Variants in DPP10 observed in about 807,000 individuals in gnomAD.
DPP10 encodes the protein dipeptidyl peptidase like 10.
In DPP10, 33 loss-of-function variants were observed where a neutral mutation model predicts 120.9. That is an observed-to-expected ratio of 0.27 (90% CI 0.21 to 0.37). The LOEUF (loss-of-function observed/expected upper bound fraction) is 0.37, where lower values mean the gene tolerates loss of function less well. Ranked by LOEUF, DPP10 falls within the 10% of genes least tolerant of loss-of-function variation. DPP10 has a pLI of 1.00. For missense variants in DPP10, 816 were observed against 942.8 expected (o/e 0.87, Z 1.76); for synonymous variants, 337 against 326.1 (o/e 1.03, Z -0.36).
At chr2:115,536,905 A>T (rs1429705939) in intron 5 of DPP10, among the ~76,000 whole-genome samples, 3 of 152,054 alleles carry the variant, frequency 2.0e-5, no homozygotes, top group African/African-American at 7.2e-5. Flanking sequence ...GTAAAATTAC[A>T]CTAGGATTAA....
At chr2:115,005,562 T>C in intron 1 of DPP10, among the ~76,000 whole-genome samples, 1 of 151,004 alleles carries the variant, frequency 6.6e-6, no homozygotes, top group Non-Finnish European at 1.5e-5. Flanking sequence ...GAGAACTACG[T>C]GAAGAATGCA....
chr2:115,053,433 A>G (rs1474301924), intron 1 of DPP10, among the ~76,000 whole-genome samples: 1 of 152,254 alleles, frequency 6.6e-6, no homozygotes, highest in Non-Finnish European at 1.5e-5. Context: ...TCATGGAGAC[A>G]TAAAGCAGAT....
At chr2:115,125,901 T>C (rs902965384) in intron 1 of DPP10, among the ~76,000 whole-genome samples, 3 of 152,146 alleles carry the variant, frequency 2.0e-5, no homozygotes, top group Non-Finnish European at 2.9e-5. Flanking sequence ...TTTTTAAACA[T>C]GTATTTAAAT....
At chr2:115,110,233 A>T (rs1480108918) in intron 1 of DPP10, among the ~76,000 whole-genome samples, 1 of 152,156 alleles carries the variant, frequency 6.6e-6, no homozygotes, top group Non-Finnish European at 1.5e-5. Context: ...AAAGTCTAAA[A>T]ATTCTGGGTT....
chr2:115,097,868 CA>C (rs1195987150), intron 1 of DPP10, among the ~76,000 whole-genome samples: 1 of 152,042 alleles, frequency 6.6e-6, no homozygotes, highest in African/African-American at 2.4e-5. Context: ...ACTTTTTGAT[CA>C]CTGTTTTAGG....
chr2:115,001,724 C>A (rs79883304), intron 1 of DPP10, among the ~76,000 whole-genome samples: 7,151 of 152,098 alleles, frequency 0.047, 255 homozygotes, highest in East Asian at 0.16. Flanking sequence ...AGGTGCAATT[C>A]CAAACACTAG....
chr2:114,771,585 C>A (rs1241011052), intron 1 of DPP10, among the ~76,000 whole-genome samples: 1 of 152,184 alleles, frequency 6.6e-6, no homozygotes, highest in Admixed American at 6.5e-5. Context: ...AGATAAAGAT[C>A]TCTTTCTATC....
chr2:114,812,339 T>C (rs1036930464), intron 1 of DPP10, among the ~76,000 whole-genome samples: 2 of 152,142 alleles, frequency 1.3e-5, no homozygotes, highest in Non-Finnish European at 2.9e-5. Context: ...CGGTGACTCA[T>C]GCCTGTAAGC....
intron 1 of DPP10, among the ~76,000 whole-genome samples, chr2:114,973,568 A>G (rs2104803177): frequency 6.8e-6 from 1 of 147,098 alleles, no homozygotes; most frequent in South Asian, 2.3e-4. Flanking sequence ...AGACTGAGAC[A>G]GGAGAATGGC....
chr2:114,626,271 G>T (rs1215750806), intron 1 of DPP10, among the ~76,000 whole-genome samples: 2 of 151,746 alleles, frequency 1.3e-5, no homozygotes, highest in African/African-American at 2.4e-5. Flanking sequence ...TGTCCTTAGG[G>T]TATATCTCAG....
intron 1 of DPP10, among the ~76,000 whole-genome samples, chr2:115,108,041 C>T (rs1462481338): frequency 6.6e-6 from 1 of 152,084 alleles, no homozygotes; most frequent in Admixed American, 6.6e-5. Context: ...ACCCAGAATA[C>T]CAGTGATTTA....
At chr2:115,208,493 A>G (rs1048993673) in intron 1 of DPP10, among the ~76,000 whole-genome samples, 3 of 152,186 alleles carry the variant, frequency 2.0e-5, no homozygotes, top group African/African-American at 7.2e-5. Flanking sequence ...AGCAGAAGAG[A>G]AATGTTTAAT....
At chr2:114,779,948 A>G (rs1682146834) in intron 1 of DPP10, among the ~76,000 whole-genome samples, 1 of 152,124 alleles carries the variant, frequency 6.6e-6, no homozygotes, top group Non-Finnish European at 1.5e-5. Context: ...CATCCTGGCT[A>G]ACATGGTGAA....
At chr2:114,682,326 T>A (rs1699079009) in intron 1 of DPP10, among the ~76,000 whole-genome samples, 1 of 151,982 alleles carries the variant, frequency 6.6e-6, no homozygotes, top group Non-Finnish European at 1.5e-5. Flanking sequence ...TTCCAAGGAT[T>A]CAAGTTCCAG....
At position 115,628,339 on chromosome 2, in the gene DPP10, C is replaced by T. The variant is rs576452040; in HGVS notation, c.442-61348C>T. Among the ~76,000 whole-genome samples, 86 of 152,036 alleles carry T rather than the reference C, an allele frequency of 5.7e-4. No individual in the cohort carries two copies. In the Middle Eastern group the frequency reaches 0.01, roughly 18 times the overall value. Reference sequence around the variant, plus strand: ...TCTTTTGAGAAGTGTCTGTTCATGTCCTTTGCCCACTTTTTAATGGTGTTG... The same window carrying T: ...TCTTTTGAGAAGTGTCTGTTCATGTTCTTTGCCCACTTTTTAATGGTGTTG... On this transcript the variant is annotated intron_variant, in intron 5 of 25. Coordinates refer to ENST00000410059, the MANE Select transcript of DPP10 (RefSeq NM_020868.6).
intron 1 of DPP10, among the ~76,000 whole-genome samples, chr2:114,588,081 A>G (rs183136343): frequency 3.0e-4 from 46 of 152,304 alleles, no homozygotes; most frequent in African/African-American, 8.7e-4. Context: ...ACTTTTCCTC[A>G]TTGCTTTTGA....
chr2:115,700,969 T>C (rs181253041), intron 7 of DPP10, among the ~76,000 whole-genome samples: 1 of 152,262 alleles, frequency 6.6e-6, no homozygotes, highest in Non-Finnish European at 1.5e-5. Flanking sequence ...AGGCATACCA[T>C]GTTCATGAAT....
At chr2:115,221,087 C>CT (rs112656298) in intron 1 of DPP10, among the ~76,000 whole-genome samples, 13 of 151,058 alleles carry the variant, frequency 8.6e-5, no homozygotes, top group African/African-American at 2.2e-4. Flanking sequence ...TATATTTCCA[C>CT]TTTTTTTTTG....
intron 19 of DPP10, among the ~76,000 whole-genome samples, chr2:115,798,545 A>G (rs955360328): frequency 2.0e-5 from 3 of 152,110 alleles, no homozygotes; most frequent in African/African-American, 4.8e-5. Context: ...CATGTAAGTC[A>G]AAGTGTGTCT....
Sources: allele counts gnomAD v4.1 joint callset (sites outside exome capture counted in the v4.1 genomes callset), GRCh38; gene constraint gnomAD v4.1.1; transcripts MANE v1.5; gene names NCBI Gene and HGNC (gene_info 2026-07-23, HGNC 2026-07-21).